XKR9: variants seen among roughly 807,000 people sequenced by gnomAD.
XKR9 encodes the protein XK related 9.
A neutral mutation model predicts 32.0 loss-of-function variants in XKR9; 32 were observed. The ratio of observed to expected loss-of-function variants is 1.00; its 90% CI spans 0.76 to 1.34. The LOEUF (loss-of-function observed/expected upper bound fraction) is 1.34. XKR9 is among the 40% of genes most tolerant of loss of function. XKR9 has a pLI of 0.00. For missense variants in XKR9, 546 were observed against 429.7 expected (o/e 1.27, Z -2.39); for synonymous variants, 168 against 143.4 (o/e 1.17, Z -1.22).
chr8:70,907,804 C>T, the XKR9 span, among the ~76,000 whole-genome samples: 2 of 152,170 alleles, frequency 1.3e-5, no homozygotes, highest in African/African-American at 4.8e-5. Context: ...CTAAGTTTTG[C>T]AATGGCCCTT....
chr8:70,743,020 A>G (rs1807009644), intron 2 of XKR9, among the ~76,000 whole-genome samples: 1 of 151,442 alleles, frequency 6.6e-6, no homozygotes. Flanking sequence ...CTTCTTCTTT[A>G]TCTTCTTGGA....
At chr8:70,818,965 G>A in the XKR9 span, among the ~76,000 whole-genome samples, 2 of 152,318 alleles carry the variant, frequency 1.3e-5, no homozygotes, top group Non-Finnish European at 2.9e-5. Flanking sequence ...GAAAAGGGCC[G>A]AATAGTAATG....
chr8:70,955,899 T>A, the XKR9 span, among the ~76,000 whole-genome samples: 4 of 152,306 alleles, frequency 2.6e-5, no homozygotes, highest in African/African-American at 9.6e-5. Flanking sequence ...CTGGATCAGA[T>A]GTACTACAAG....
intron 3 of XKR9, among the ~76,000 whole-genome samples, chr8:70,702,962 T>A (rs1362171750): frequency 2.6e-5 from 4 of 152,204 alleles, no homozygotes; most frequent in Non-Finnish European, 5.9e-5. Context: ...GCCAACACTC[T>A]CATTGTTTCC....
the XKR9 span, among the ~76,000 whole-genome samples, chr8:70,806,633 A>G: frequency 1.3e-5 from 2 of 152,222 alleles, no homozygotes; most frequent in African/African-American, 4.8e-5. Context: ...ACAAGTATCA[A>G]TAGCTGAATT....
chr8:70,784,233 A>G (rs1255130315), intron 2 of XKR9, among the ~76,000 whole-genome samples: 2 of 152,080 alleles, frequency 1.3e-5, no homozygotes, highest in African/African-American at 4.8e-5. Context: ...TTCCATTTCT[A>G]TGTAAAAATG....
the XKR9 span, among the ~76,000 whole-genome samples, chr8:70,802,558 G>A: frequency 6.6e-6 from 1 of 152,074 alleles, no homozygotes; most frequent in East Asian, 1.9e-4. Flanking sequence ...TGATTGTATT[G>A]TTTTATTGTG....
intron 3 of XKR9, among the ~76,000 whole-genome samples, chr8:70,687,811 A>G (rs1186768104): frequency 6.6e-6 from 1 of 152,206 alleles, no homozygotes; most frequent in Non-Finnish European, 1.5e-5. Flanking sequence ...TTCAGATAAC[A>G]TACTCTTATG....
At chr8:70,764,212 G>A (rs571243139) in intron 2 of XKR9, among the ~76,000 whole-genome samples, 1 of 152,258 alleles carries the variant, frequency 6.6e-6, no homozygotes, top group Non-Finnish European at 1.5e-5. Context: ...GGCCTTTTCT[G>A]CTCGACTTTC....
chr8:70,829,600 T>C, the XKR9 span, among the ~76,000 whole-genome samples: 29 of 152,156 alleles, frequency 1.9e-4, no homozygotes, highest in African/African-American at 7.0e-4. Flanking sequence ...AGGCGCCCGC[T>C]ACCACACCCG....
the XKR9 span, among the ~76,000 whole-genome samples, chr8:70,845,410 A>T: frequency 6.6e-6 from 1 of 152,354 alleles, no homozygotes; most frequent in Non-Finnish European, 1.5e-5. Context: ...TCTCCAAAGG[A>T]ACACAATAAT....
rs184712400 is a variant in XKR9 at position 70,769,022 on chromosome 8, G to A, written n.353-20317G>A. Among the ~76,000 whole-genome samples the A allele has an allele frequency of 1.9e-4, 29 of 152,164 alleles. 1 individual carries two copies. In the East Asian group the frequency reaches 5.0e-3, roughly 26 times the overall value. ...TTAGTTGATGCAGTTTCTTCATAGT[G>A]TCGTTGGTCTATATATTTTGGTATG... On this transcript the variant is annotated intron_variant and non_coding_transcript_variant, in intron 2 of 3. Coordinates refer to the XKR9 transcript ENST00000520273.
At chr8:70,800,720 A>C in the XKR9 span, among the ~76,000 whole-genome samples, 2 of 152,142 alleles carry the variant, frequency 1.3e-5, no homozygotes, top group African/African-American at 2.4e-5. Context: ...TCCTGACCTC[A>C]AGTGATCTGC....
chr8:70,917,353 T>C, the XKR9 span, among the ~76,000 whole-genome samples: 1 of 152,234 alleles, frequency 6.6e-6, no homozygotes, highest in African/African-American at 2.4e-5. Context: ...GCTTATTATC[T>C]TTCTCACTCT....
At chr8:70,672,982 T>G (rs538388284) in intron 1 of XKR9, among the ~76,000 whole-genome samples, 1 of 152,304 alleles carries the variant, frequency 6.6e-6, no homozygotes, top group African/African-American at 2.4e-5. Flanking sequence ...AGATGAATAG[T>G]TTGCAAATAT....
chr8:70,707,184 G>A, intron 4 of XKR9, 31 bp downstream of exon 4: 2 of 1,561,284 alleles, frequency 1.3e-6, no homozygotes, highest in South Asian at 1.1e-5. Context: ...TGTGTTAAAT[G>A]GATGCCACTG....
chr8:70,748,136 A>G (rs1807083663), intron 2 of XKR9, among the ~76,000 whole-genome samples: 1 of 152,220 alleles, frequency 6.6e-6, no homozygotes, highest in African/African-American at 2.4e-5. Flanking sequence ...GGGGCGGCCC[A>G]TCTGGAATGG....
At chr8:71,016,990 A>G in the XKR9 span, among the ~76,000 whole-genome samples, 5 of 152,224 alleles carry the variant, frequency 3.3e-5, no homozygotes, top group Admixed American at 3.3e-4. Flanking sequence ...TCTTAGATGT[A>G]CAATTCTGAG....
At chr8:70,944,150 A>AT in the XKR9 span, among the ~76,000 whole-genome samples, 1 of 152,128 alleles carries the variant, frequency 6.6e-6, no homozygotes, top group Non-Finnish European at 1.5e-5. Flanking sequence ...GCCAAAAAAA[A>AT]AATAATTGTT....
Sources: allele counts gnomAD v4.1 joint callset (sites outside exome capture counted in the v4.1 genomes callset), GRCh38; gene constraint gnomAD v4.1.1; transcripts MANE v1.5; gene names NCBI Gene and HGNC (gene_info 2026-07-23, HGNC 2026-07-21).